The following ITPR2 variants were observed in gnomAD, a reference collection of about 807,000 sequenced individuals.
The protein encoded by ITPR2 is inositol 1,4,5-trisphosphate-gated calcium channel ITPR2.
ITPR2 carries 207 observed loss-of-function variants against 317.1 expected under a neutral mutation model. That is an observed-to-expected ratio of 0.65 (90% CI 0.58 to 0.73). ITPR2 has a LOEUF of 0.73. ITPR2 is among the 30% of genes least tolerant of loss of function. ITPR2 has a pLI of 0.00. For missense variants in ITPR2, 2,613 were observed against 3,284.0 expected, an observed-to-expected ratio of 0.80 and a Z score of 4.99; for synonymous variants, 1,156 against 1,149.1, an observed-to-expected ratio of 1.01 and a Z score of -0.12.
At chr12:26,821,619 T>G (rs929642697) in intron 1 of ITPR2, among the ~76,000 whole-genome samples, 3 of 152,228 alleles carry the variant, frequency 2.0e-5, no homozygotes, top group Non-Finnish European at 4.4e-5. Context: ...AGATGGTTTC[T>G]GTTCCTCACC....
intron 49 of ITPR2, among the ~76,000 whole-genome samples, chr12:26,422,661 T>C (rs1940936298): frequency 6.6e-6 from 1 of 152,218 alleles, no homozygotes; most frequent in African/African-American, 2.4e-5. Context: ...CAGACATTTA[T>C]AGCTGCTTTA....
chr12:26,480,094 C>T (rs1294184949), intron 43 of ITPR2, among the ~76,000 whole-genome samples: 1 of 152,142 alleles, frequency 6.6e-6, no homozygotes, highest in African/African-American at 2.4e-5. Context: ...ATTATACATT[C>T]TTAATAGTCT....
chr12:26,439,127 T>A lies in ITPR2; in HGVS notation c.6643A>T (p.Asn2215Tyr). The A allele has an allele frequency of 1.9e-6, 3 of 1,598,600 alleles. No individual in the cohort carries two copies. Among genetic ancestry groups the A allele is most frequent in the East Asian group, 2.2e-5 (1 of 44,662 alleles). Residue 2215 changes from asparagine (N) to tyrosine (Y), a missense_variant and splice_region_variant, in exon 47 of 57, where the codon AAT becomes TAT. Asn to Tyr is a moderately radical substitution (Grantham distance 143). Transcript: ENST00000381340. ...AACCATTTCAGTTTACTGTACTTAC[T>A]CCTGATTTTCTTCTGCCACTTCATT... Reference protein sequence around the residue: ...NEMKWQKKIRNNPALFWFSRH... With the variant: ...NEMKWQKKIRYNPALFWFSRH...
intron 2 of ITPR2, among the ~76,000 whole-genome samples, chr12:26,763,027 G>T (rs1211766889): frequency 1.3e-5 from 2 of 152,042 alleles, no homozygotes; most frequent in Non-Finnish European, 2.9e-5. Flanking sequence ...TAGACAGGAT[G>T]AATAGATTCT....
At chr12:26,536,057 T>C (rs938867115) in intron 37 of ITPR2, among the ~76,000 whole-genome samples, 6 of 152,182 alleles carry the variant, frequency 3.9e-5, no homozygotes, top group East Asian at 1.9e-4. Flanking sequence ...CCTCAGTCAT[T>C]TGAATTTTGG....
chr12:26,408,758 T>C (rs547579768), intron 52 of ITPR2, among the ~76,000 whole-genome samples: 20 of 152,318 alleles, frequency 1.3e-4, no homozygotes, highest in Admixed American at 1.1e-3. Flanking sequence ...AGTTAAAGTA[T>C]ATTTGCTTTA....
chr12:26,594,972 T>C (rs1302142164), intron 32 of ITPR2, among the ~76,000 whole-genome samples: 3 of 152,160 alleles, frequency 2.0e-5, no homozygotes, highest in Admixed American at 2.0e-4. Flanking sequence ...AAATGCCAGA[T>C]GATTAAATTA....
intron 55 of ITPR2, among the ~76,000 whole-genome samples, chr12:26,368,626 T>C (rs998013742): frequency 2.0e-5 from 3 of 152,198 alleles, no homozygotes; most frequent in South Asian, 2.1e-4. Flanking sequence ...GCCATACATT[T>C]TTACTCTAGC....
At chr12:26,775,395 T>G (rs922451072) in intron 2 of ITPR2, among the ~76,000 whole-genome samples, 2 of 152,054 alleles carry the variant, frequency 1.3e-5, no homozygotes, top group African/African-American at 4.8e-5. Context: ...AGGTAAAAAG[T>G]AACAGGTTCT....
intron 36 of ITPR2, among the ~76,000 whole-genome samples, chr12:26,551,950 C>T (rs907965297): frequency 2.0e-5 from 3 of 152,178 alleles, no homozygotes; most frequent in African/African-American, 4.8e-5. Context: ...TTCTAAAGCA[C>T]CTGAATGCCT....
chr12:26,556,164 T>C, intron 36 of ITPR2, 69 bp downstream of exon 36: 1 of 1,509,478 alleles, frequency 6.6e-7, no homozygotes, highest in Non-Finnish European at 9.0e-7. Flanking sequence ...CAGTGAAGTA[T>C]AAAGCGGAAA....
At chr12:26,616,692 A>G (rs1946381059) in intron 26 of ITPR2, among the ~76,000 whole-genome samples, 1 of 152,174 alleles carries the variant, frequency 6.6e-6, no homozygotes, top group African/African-American at 2.4e-5. Flanking sequence ...AACCCAAAAC[A>G]GACTATATTT....
chr12:26,819,917 A>G (rs1290415220), intron 1 of ITPR2, among the ~76,000 whole-genome samples: 1 of 152,020 alleles, frequency 6.6e-6, no homozygotes, highest in Non-Finnish European at 1.5e-5. Context: ...AAATACCCAA[A>G]AAAATTAGCT....
chr12:26,686,745 G>A lies in ITPR2; in HGVS notation c.997-113C>T, dbSNP rs1202000173. On this transcript the variant is annotated intron_variant, in intron 10 of 56. Coordinates refer to ENST00000381340, the MANE Select transcript of ITPR2 (RefSeq NM_002223.4). ...GTTATTTCTTCCTTGGATTGAAGAG[G>A]TGTCTATTTCACATCATCCAGAAAC... The A allele has an allele frequency of 4.3e-6, 4 of 937,748 alleles. No individual in the cohort carries two copies. The Admixed American group carries it at 7.3e-5, about 17-fold the overall frequency. 58.1% of individuals were successfully genotyped at this position (937,748 alleles called of 1,614,324 possible). A position where few individuals can be genotyped will look rare whatever the true frequency, so the allele number is the denominator to read the frequency against.
chr12:26,366,335 T>C (rs1295855949), intron 55 of ITPR2, among the ~76,000 whole-genome samples: 3 of 152,208 alleles, frequency 2.0e-5, no homozygotes, highest in Non-Finnish European at 4.4e-5. Context: ...CCAACAATTC[T>C]TTCTGCTAAT....
chr12:26,617,059 T>C (rs1395798834), intron 26 of ITPR2, among the ~76,000 whole-genome samples: 1 of 152,230 alleles, frequency 6.6e-6, no homozygotes, highest in East Asian at 1.9e-4. Context: ...AACAGTAGGC[T>C]ATTAGTACTT....
chr12:26,673,128 G>C (rs1054543636), intron 13 of ITPR2, among the ~76,000 whole-genome samples: 9 of 152,124 alleles, frequency 5.9e-5, no homozygotes, highest in African/African-American at 2.2e-4. Flanking sequence ...AGGAGGAACT[G>C]GTATCATTCC....
chr12:26,651,324 C>T (rs1346467118), intron 21 of ITPR2, among the ~76,000 whole-genome samples: 1 of 152,114 alleles, frequency 6.6e-6, no homozygotes, highest in East Asian at 1.9e-4. Context: ...TGTTCTCCTG[C>T]CTTTCTTCAG....
chr12:26,402,027 T>C (rs1049344661), intron 52 of ITPR2, among the ~76,000 whole-genome samples: 10 of 151,994 alleles, frequency 6.6e-5, no homozygotes, highest in Non-Finnish European at 5.9e-5. Flanking sequence ...TAGAACTCCT[T>C]TGGAGGAAGG....
Sources: allele counts gnomAD v4.1 joint callset (sites outside exome capture counted in the v4.1 genomes callset), GRCh38; gene constraint gnomAD v4.1.1; transcripts MANE v1.5; gene names NCBI Gene and HGNC (gene_info 2026-07-23, HGNC 2026-07-21).